The following CACNA2D3 variants were observed in gnomAD, a reference collection of about 807,000 sequenced individuals.
CACNA2D3 encodes voltage-dependent calcium channel subunit alpha-2/delta-3.
A neutral mutation model predicts 160.6 loss-of-function variants in CACNA2D3; 60 were observed. The ratio of observed to expected loss-of-function variants is 0.37; its 90% CI spans 0.30 to 0.46. The LOEUF is 0.46. CACNA2D3 is among the 20% of genes least tolerant of loss of function. CACNA2D3 has a pLI of 1.00. For missense variants in CACNA2D3, 1,205 were observed against 1,365.0 expected (o/e 0.88, Z 1.85); for synonymous variants, 558 against 492.9 (o/e 1.13, Z -1.75).
chr3:54,882,695 G>A (rs1699828845), intron 21 of CACNA2D3, among the ~76,000 whole-genome samples: 2 of 152,168 alleles, frequency 1.3e-5, no homozygotes, highest in Non-Finnish European at 2.9e-5. Context: ...TAAGAAAGCT[G>A]CTTCCCCTTG....
intron 17 of CACNA2D3, among the ~76,000 whole-genome samples, chr3:54,853,262 T>C (rs1699099271): frequency 6.6e-6 from 1 of 152,174 alleles, no homozygotes; most frequent in Admixed American, 6.5e-5. Context: ...GTTTAACTTC[T>C]CCCCTGTGGT....
chr3:55,030,468 C>A (rs144126558), intron 35 of CACNA2D3, among the ~76,000 whole-genome samples: 2 of 152,102 alleles, frequency 1.3e-5, no homozygotes, highest in Non-Finnish European at 2.9e-5. Flanking sequence ...AATGAATATC[C>A]TAATTAGTGC....
At chr3:54,202,510 C>T (rs1701198452) in intron 2 of CACNA2D3, among the ~76,000 whole-genome samples, 1 of 152,222 alleles carries the variant, frequency 6.6e-6, no homozygotes, top group African/African-American at 2.4e-5. Context: ...TACCCATTTT[C>T]TTCCTTCACT....
At chr3:54,886,806 T>G (rs1699936655) in intron 23 of CACNA2D3, among the ~76,000 whole-genome samples, 1 of 151,916 alleles carries the variant, frequency 6.6e-6, no homozygotes, top group Admixed American at 6.6e-5. Context: ...ATTATATTTT[T>G]GAAATTTGTG....
chr3:54,590,110 C>G (rs1291037939), intron 9 of CACNA2D3, among the ~76,000 whole-genome samples: 1 of 152,152 alleles, frequency 6.6e-6, no homozygotes, highest in African/African-American at 2.4e-5. Flanking sequence ...CAGAAATGTT[C>G]ATAGCATCTT....
intron 5 of CACNA2D3, among the ~76,000 whole-genome samples, chr3:54,506,832 A>G (rs774465631): frequency 4.6e-5 from 7 of 151,840 alleles, no homozygotes; most frequent in Non-Finnish European, 8.8e-5. Flanking sequence ...GCCGTAAATG[A>G]CTCCATATCC....
intron 9 of CACNA2D3, among the ~76,000 whole-genome samples, chr3:54,584,896 C>G (rs1241554905): frequency 6.6e-6 from 1 of 152,074 alleles, no homozygotes; most frequent in East Asian, 1.9e-4. Context: ...AAAAGAACTG[C>G]CAACCCAGGA....
At chr3:54,981,266 G>C (rs1702500814) in intron 29 of CACNA2D3, among the ~76,000 whole-genome samples, 1 of 152,152 alleles carries the variant, frequency 6.6e-6, no homozygotes, top group Non-Finnish European at 1.5e-5. Context: ...GGTTTTATGG[G>C]AGTCCTAGGC....
intron 11 of CACNA2D3, among the ~76,000 whole-genome samples, chr3:54,706,990 A>G (rs1400034845): frequency 6.6e-6 from 1 of 152,218 alleles, no homozygotes; most frequent in African/African-American, 2.4e-5. Flanking sequence ...TTGGGATTTC[A>G]TGCTCTGCTG....
chr3:54,659,264 A>G (rs1020859604), intron 11 of CACNA2D3, among the ~76,000 whole-genome samples: 2 of 152,248 alleles, frequency 1.3e-5, no homozygotes, highest in Admixed American at 1.3e-4. Context: ...CGAAGTGCCC[A>G]GAGTGGTGCC....
At chr3:54,442,723 T>C (rs2106797871) in intron 4 of CACNA2D3, among the ~76,000 whole-genome samples, 1 of 152,308 alleles carries the variant, frequency 6.6e-6, no homozygotes, top group African/African-American at 2.4e-5. Flanking sequence ...TAAGTCAGCC[T>C]TTACTCATCC....
chr3:54,185,008 T>C (rs1000972045), intron 2 of CACNA2D3, among the ~76,000 whole-genome samples: 7 of 152,182 alleles, frequency 4.6e-5, no homozygotes, highest in Non-Finnish European at 7.3e-5. Context: ...GAGCCAAAGG[T>C]CCTGTGCCTT....
At chr3:54,924,870 A>G (rs1700965136) in intron 27 of CACNA2D3, 2 of 1,613,800 alleles carry the variant, frequency 1.2e-6, no homozygotes, top group Non-Finnish European at 1.7e-6. Context: ...GAGGGAATGG[A>G]AAAGTCTGCT....
Position 54,787,096 on chromosome 3 carries a change from G to T in CACNA2D3, c.1380+22745G>T, listed in dbSNP as rs75197886. Among the ~76,000 whole-genome samples the T allele has an allele frequency of 9.5e-3, 1,441 of 152,212 alleles. 29 individuals are homozygous for T. Among genetic ancestry groups the T allele is most frequent in the African/African-American group, 0.033 (1,378 of 41,532 alleles). ...GTTTCAGAGCTTTTCCCTTCTTGTG[G>T]TTGTTTCCTGAACACACATATTTGA... On this transcript the variant is annotated intron_variant, in intron 13 of 37. Coordinates refer to ENST00000474759, the MANE Select transcript of CACNA2D3 (RefSeq NM_018398.3).
At chr3:54,410,820 A>G (rs1484608073) in intron 4 of CACNA2D3, among the ~76,000 whole-genome samples, 1 of 152,220 alleles carries the variant, frequency 6.6e-6, no homozygotes, top group Non-Finnish European at 1.5e-5. Context: ...TGCAGTTAGT[A>G]AGGCTGTAGC....
chr3:54,839,731 C>G (rs1232987931), intron 16 of CACNA2D3, among the ~76,000 whole-genome samples: 1 of 152,158 alleles, frequency 6.6e-6, no homozygotes, highest in Non-Finnish European at 1.5e-5. Flanking sequence ...GGGACCTGGG[C>G]TTTCCTGGGC....
chr3:54,579,544 T>G (rs1702640733), intron 8 of CACNA2D3, among the ~76,000 whole-genome samples: 1 of 152,232 alleles, frequency 6.6e-6, no homozygotes, highest in Non-Finnish European at 1.5e-5. Context: ...TGCCCCTAGC[T>G]GCAGGGCAGC....
chr3:54,919,713 T>C (rs1700780444), intron 27 of CACNA2D3, among the ~76,000 whole-genome samples: 1 of 152,220 alleles, frequency 6.6e-6, no homozygotes. Flanking sequence ...AAAATGTGCT[T>C]CGCTGACTTA....
In CACNA2D3 at chr3:54,637,393, G is replaced by A. The variant is rs536313143; in HGVS notation, c.1054-4735G>A. Among the ~76,000 whole-genome samples the A allele has an allele frequency of 2.4e-3, 366 of 151,856 alleles. 4 individuals carry two copies. The highest frequency in any genetic ancestry group is 6.8e-3 in the Middle Eastern group (2 of 294). On this transcript the variant is annotated intron_variant, in intron 10 of 37. Coordinates refer to ENST00000474759, the MANE Select transcript of CACNA2D3 (RefSeq NM_018398.3). ...GAGGCTTTTGATTGGGAAGAAGGGC[G>A]GCAATGAGATATAGCTGTAGTCCAG...
Sources: allele counts gnomAD v4.1 joint callset (sites outside exome capture counted in the v4.1 genomes callset), GRCh38; gene constraint gnomAD v4.1.1; transcripts MANE v1.5; gene names NCBI Gene and HGNC (gene_info 2026-07-23, HGNC 2026-07-21).